Variants in TM7SF3 observed in about 807,000 individuals in gnomAD.
The protein encoded by TM7SF3 is seven span transmembrane protein.
Under a neutral mutation model 65.5 loss-of-function variants are expected in TM7SF3, and 60 were observed. The ratio of observed to expected loss-of-function variants is 0.92; its 90% confidence interval spans 0.74 to 1.14. The LOEUF (loss-of-function observed/expected upper bound fraction) is 1.14, where lower values mean the gene tolerates loss of function less well. Among genes scored for constraint, TM7SF3 ranks in the 50% most tolerant of loss-of-function variants. The pLI, the probability that TM7SF3 is intolerant of heterozygous loss-of-function variation, is 0.00. For synonymous variants in TM7SF3, 264 were observed against 259.6 expected, an observed-to-expected ratio of 1.02 and a Z score of -0.16; for missense variants, 623 against 684.8, an observed-to-expected ratio of 0.91 and a Z score of 1.01.
intron 6 of TM7SF3, among the ~76,000 whole-genome samples, chr12:26,985,866 T>G (rs1304642788): frequency 1.9e-5 from 2 of 103,362 alleles, no homozygotes; most frequent in African/African-American, 8.0e-5. Flanking sequence ...CAGGCTAGAG[T>G]GCAGTGGCGC....
intron 1 of TM7SF3, among the ~76,000 whole-genome samples, chr12:27,007,771 G>C (rs1436960384): frequency 6.6e-6 from 1 of 152,152 alleles, no homozygotes; most frequent in Non-Finnish European, 1.5e-5. Flanking sequence ...GAGGGAAATA[G>C]GGTCCTAAGT....
At chr12:26,980,499 A>C in intron 8 of TM7SF3, 67 bp downstream of exon 8, 1 of 827,858 alleles carries the variant, frequency 1.2e-6, no homozygotes, top group South Asian at 1.5e-5. Context: ...CTGTAGAAGG[A>C]AAGGTGAAGT....
chr12:27,001,946 T>C (rs1406420929), intron 2 of TM7SF3, among the ~76,000 whole-genome samples: 1 of 152,170 alleles, frequency 6.6e-6, no homozygotes. Flanking sequence ...GTGACATCGG[T>C]ATCTCTTGTA....
chr12:27,005,438 G>C (rs1211647289), intron 1 of TM7SF3, among the ~76,000 whole-genome samples: 1 of 152,182 alleles, frequency 6.6e-6, no homozygotes, highest in Non-Finnish European at 1.5e-5. Context: ...CAAGGCTTCT[G>C]TAATTATCAC....
chr12:26,980,452 C>T lies in TM7SF3; in HGVS notation c.1036+114G>A, dbSNP rs1939766743. 53 of 668,006 alleles carry T rather than the reference C, an allele frequency of 7.9e-5. No individual in the cohort carries two copies. In the South Asian group the frequency reaches 9.2e-4, roughly 12 times the overall value. The allele number at this position is 668,006 out of a possible 1,614,324, so 41.4% of individuals were successfully genotyped here. On this transcript the variant is annotated intron_variant, in intron 8 of 11. Coordinates refer to ENST00000343028, the MANE Select transcript of TM7SF3 (RefSeq NM_016551.3). ...AGAGACTAGATGGACCATTATTTTA[C>T]ATAAGTAATAGGCTGTCACACACAA... is the stretch of plus-strand genomic sequence containing the variant.
At chr12:26,999,466 G>A in intron 3 of TM7SF3, 60 bp downstream of exon 3, 1 of 1,541,542 alleles carries the variant, frequency 6.5e-7, no homozygotes, top group South Asian at 1.1e-5. Context: ...TTTCCTTAAA[G>A]TTTCATGAAC....
rs185989873 is a variant in TM7SF3 at position 26,993,586 on chromosome 12, C to A, written c.690+1651G>T. Among the ~76,000 whole-genome samples, 306 of 152,220 alleles carry A rather than the reference C, an allele frequency of 2.0e-3. 1 individual carries two copies. Among genetic ancestry groups the A allele is most frequent in the Non-Finnish European group, 3.6e-3 (245 of 68,018 alleles). ...GGAATAGGTGGAGACTATAAGGTCA[C>A]TCCATGTTAAAGTGGTTCTCCTTTT... On this transcript the variant is annotated intron_variant, in intron 5 of 11. Coordinates refer to ENST00000343028, the MANE Select transcript of TM7SF3 (RefSeq NM_016551.3).
chr12:27,004,620 A>T (rs929722181), intron 1 of TM7SF3, among the ~76,000 whole-genome samples: 1 of 152,174 alleles, frequency 6.6e-6, no homozygotes, highest in Non-Finnish European at 1.5e-5. Context: ...AAAACCAAAC[A>T]GAACCAAAAA....
chr12:27,013,175 T>C (rs893391503), intron 1 of TM7SF3, among the ~76,000 whole-genome samples: 1 of 152,224 alleles, frequency 6.6e-6, no homozygotes, highest in African/African-American at 2.4e-5. Flanking sequence ...TTTTTTACAG[T>C]TCATTTATGG....
At chr12:26,986,780 C>T (rs1171503036) in intron 6 of TM7SF3, among the ~76,000 whole-genome samples, 1 of 152,168 alleles carries the variant, frequency 6.6e-6, no homozygotes, top group Non-Finnish European at 1.5e-5. Context: ...GCGCCTACCC[C>T]ACCTCTCCAC....
At chr12:26,996,689 C>T (rs1423878324) in intron 4 of TM7SF3, 53 bp downstream of exon 4, 36 of 1,555,818 alleles carry the variant, frequency 2.3e-5, no homozygotes, top group Non-Finnish European at 2.9e-5. Context: ...ATCTACACAA[C>T]TGTCGTCATG....
intron 6 of TM7SF3, among the ~76,000 whole-genome samples, chr12:26,990,158 T>G (rs912245745): frequency 2.0e-5 from 3 of 152,234 alleles, no homozygotes; most frequent in Non-Finnish European, 2.9e-5. Flanking sequence ...TTCCTCTTAC[T>G]GGCATGTGTT....
chr12:26,982,750 A>G (rs771565787), intron 7 of TM7SF3, 23 bp downstream of exon 7: 2 of 1,555,700 alleles, frequency 1.3e-6, no homozygotes, highest in East Asian at 2.3e-5. Flanking sequence ...AAATGGAAAT[A>G]GCAACTACAT....
chr12:26,982,855 T>G lies in TM7SF3; in HGVS notation c.873A>C (p.Arg291Ser), dbSNP rs772645766. 2.5e-6 allele frequency: 4 copies of G among 1,594,208 alleles called. No homozygotes were observed. The South Asian group carries it at 4.6e-5, about 18-fold the overall frequency. The change falls in exon 7 of 12, where the codon AGA becomes AGC. Residue 291 changes from arginine to serine, a missense_variant. Physicochemically the swap from Arg to Ser is moderately radical, Grantham distance 110. Coordinates refer to ENST00000343028, the MANE Select transcript of TM7SF3 (RefSeq NM_016551.3). ...AGEGSCASLG[R>S]VSSKVFFTLF... ...GAGTGAAGAACACTTTGGAAGACAC[T>G]CTTCCTAAAAAATAATGAAAATTTA...
At chr12:27,009,849 T>TC (rs1316813199) in intron 1 of TM7SF3, among the ~76,000 whole-genome samples, 1 of 152,234 alleles carries the variant, frequency 6.6e-6, no homozygotes, top group Non-Finnish European at 1.5e-5. Context: ...TGTATTTTTT[T>TC]CCCAGTCTTA....
chr12:26,976,354 T>C lies in TM7SF3; in HGVS notation c.1193A>G (p.Asn398Ser). Residue 398 changes from asparagine to serine, a missense_variant, in exon 10 of 12, where the codon AAC becomes AGC. Asn to Ser is a conservative substitution (Grantham distance 46, BLOSUM62 1). Transcript: ENST00000343028. ...ACCATCATCATGAAAAATCTTTAGG[T>C]TTCCTGAAAAAGCAAAAAGAAACTA... ...SSVTFFTPLGNLKIFHDDGVF... is the reference protein window; with the variant it reads ...SSVTFFTPLGSLKIFHDDGVF... The C allele has an allele frequency of 6.2e-7, 1 of 1,612,594 alleles. No homozygotes were observed. The highest frequency in any genetic ancestry group is 8.5e-7 in the Non-Finnish European group (1 of 1,178,994).
chr12:27,005,674 A>G (rs531685281), intron 1 of TM7SF3, among the ~76,000 whole-genome samples: 1 of 152,330 alleles, frequency 6.6e-6, no homozygotes, highest in East Asian at 1.9e-4. Context: ...TTGGAGAAAC[A>G]AAACTTTGGA....
chr12:26,982,974 AC>A, intron 6 of TM7SF3, 115 bp from the exon 7 acceptor site: 1 of 683,138 alleles, frequency 1.5e-6, no homozygotes, highest in Middle Eastern at 4.1e-4. Flanking sequence ...TTTATCCCAT[AC>A]ATGTATATTA....
chr12:26,991,139 T>C lies in TM7SF3; in HGVS notation c.691-512A>G, dbSNP rs952386393. 3.6e-5 allele frequency among the ~76,000 whole-genome samples: 5 copies of C among 140,336 alleles called. No homozygotes were observed. In the East Asian group the frequency reaches 1.1e-3, roughly 30 times the overall value. 92.1% of individuals were successfully genotyped at this position (140,336 alleles called of 152,430 possible). A position where few individuals can be genotyped will look rare whatever the true frequency, so the allele number is the denominator to read the frequency against. ...ATGAGGTTTTGTTATGTAGTAGTAG[T>C]TCTTTTTTTTTTTTTTTTTTTTTTG... is the stretch of plus-strand genomic sequence containing the variant. On this transcript the variant is annotated intron_variant, in intron 5 of 11. Coordinates refer to ENST00000343028, the MANE Select transcript of TM7SF3 (RefSeq NM_016551.3).
Sources: allele counts gnomAD v4.1 joint callset (sites outside exome capture counted in the v4.1 genomes callset), GRCh38; gene constraint gnomAD v4.1.1; transcripts MANE v1.5; gene names NCBI Gene and HGNC (gene_info 2026-07-23, HGNC 2026-07-21).